The following NUP155 variants were observed in gnomAD, a reference collection of about 807,000 sequenced individuals.
NUP155 encodes nucleoporin 155.
Under a neutral mutation model 180.4 loss-of-function variants are expected in NUP155, and 71 were observed. The ratio of observed to expected loss-of-function variants is 0.39; its 90% CI spans 0.33 to 0.48. NUP155 has a LOEUF of 0.48. Ranked by LOEUF, NUP155 falls within the 20% of genes least tolerant of loss-of-function variation. The pLI is 0.91. For synonymous variants in NUP155, 582 were observed against 559.5 expected (o/e 1.04, Z -0.57); for missense variants, 1,553 against 1,648.9 (o/e 0.94, Z 1.01).
chr5:37,324,936 G>T (rs529447657), intron 19 of NUP155, among the ~76,000 whole-genome samples: 8 of 151,962 alleles, frequency 5.3e-5, no homozygotes, highest in African/African-American at 1.9e-4. Context: ...GATCATTTGA[G>T]GTCAGGAGTT....
chr5:37,367,077 A>C (rs1747639039), intron 1 of NUP155, among the ~76,000 whole-genome samples: 1 of 147,196 alleles, frequency 6.8e-6, no homozygotes, highest in African/African-American at 2.5e-5. Context: ...ACGGGGTTTC[A>C]CTCTGTCGCC....
At chr5:37,293,893 G>T (rs1298635714) in intron 33 of NUP155, among the ~76,000 whole-genome samples, 1 of 110,454 alleles carries the variant, frequency 9.1e-6, no homozygotes, top group East Asian at 2.1e-4. Context: ...CAGCTACTGG[G>T]GAGGCTGAGG....
chr5:37,341,297 A>C (rs1745703669), intron 10 of NUP155, 55 bp from the exon 11 acceptor site: 1 of 1,479,018 alleles, frequency 6.8e-7, no homozygotes, highest in Non-Finnish European at 9.5e-7. Context: ...CCTGAGGTAA[A>C]TGTGTTATTG....
intron 4 of NUP155, among the ~76,000 whole-genome samples, chr5:37,355,006 C>A (rs1227282947): frequency 6.6e-6 from 1 of 151,588 alleles, no homozygotes; most frequent in African/African-American, 2.4e-5. Flanking sequence ...GCAGAAGAAT[C>A]GCTTGAACCC....
intron 3 of NUP155, among the ~76,000 whole-genome samples, chr5:37,359,587 T>A (rs907466666): frequency 3.3e-5 from 5 of 152,286 alleles, no homozygotes; most frequent in Middle Eastern, 6.8e-3. Context: ...AGATCTGCTA[T>A]ACCTTAGCCA....
At chr5:37,365,337 G>A (rs890794287) in intron 1 of NUP155, among the ~76,000 whole-genome samples, 6 of 152,010 alleles carry the variant, frequency 3.9e-5, no homozygotes, top group Non-Finnish European at 8.8e-5. Flanking sequence ...AAATGCTTGA[G>A]AGGATAGATA....
intron 10 of NUP155, among the ~76,000 whole-genome samples, chr5:37,342,093 T>C (rs1745764205): frequency 6.6e-6 from 1 of 152,150 alleles, no homozygotes; most frequent in Admixed American, 6.6e-5. Context: ...GGGTGAAGTG[T>C]AGTAGCATAA....
intron 19 of NUP155, among the ~76,000 whole-genome samples, chr5:37,325,525 T>C (rs1358699401): frequency 6.6e-6 from 1 of 152,082 alleles, no homozygotes; most frequent in African/African-American, 2.4e-5. Context: ...TCTTAGCACT[T>C]TGGGAAGCCA....
chr5:37,342,994 C>T (rs1210299385), intron 9 of NUP155, among the ~76,000 whole-genome samples: 1 of 152,354 alleles, frequency 6.6e-6, no homozygotes, highest in East Asian at 1.9e-4. Flanking sequence ...CCGCCCGCCT[C>T]GGCCTTCCAA....
chr5:37,303,353 ACT>A lies in NUP155; in HGVS notation c.3222_3223del (p.Arg1074SerfsTer19). 6.2e-7 allele frequency: 1 copy of A among 1,614,030 alleles called. No individual in the cohort carries two copies. Among genetic ancestry groups the A allele is most frequent in the African/African-American group, 1.3e-5 (1 of 75,000 alleles). On this transcript the variant is annotated frameshift_variant, in exon 28 of 35. Coordinates refer to ENST00000231498, the MANE Select transcript of NUP155 (RefSeq NM_153485.3). LOFTEE classifies it high-confidence loss of function. ...CCGCCAGAGTAAATCCATATAACGA[ACT>A]CTGTTTTGATCAACTTTGGCCATTC...
intron 1 of NUP155, among the ~76,000 whole-genome samples, chr5:37,366,024 C>T (rs1307178757): frequency 6.6e-6 from 1 of 151,738 alleles, no homozygotes; most frequent in Non-Finnish European, 1.5e-5. Flanking sequence ...GATTTATCCC[C>T]AAGACCACTA....
At position 37,305,799 on chromosome 5, in the gene NUP155, G is replaced by C. The variant is rs1743121129; in HGVS notation, c.2904-589C>G. 1.3e-5 allele frequency among the ~76,000 whole-genome samples: 2 copies of C among 152,072 alleles called. 1 individual carries two copies. The highest frequency in any genetic ancestry group is 4.1e-4 in the South Asian group (2 of 4,824). On this transcript the variant is annotated intron_variant, in intron 25 of 34. Transcript: ENST00000231498. The stretch of plus-strand genomic sequence containing the variant: ...AGGCAGGAGGATCGCTTGAGCCTAG[G>C]AATTCAAGGCTGCAAGTGAGCTATT...
At chr5:37,340,848 T>A (rs1367282627) in intron 11 of NUP155, among the ~76,000 whole-genome samples, 1 of 152,186 alleles carries the variant, frequency 6.6e-6, no homozygotes, top group Non-Finnish European at 1.5e-5. Context: ...TATGTGCAAA[T>A]CTGTTACTTG....
intron 9 of NUP155, among the ~76,000 whole-genome samples, chr5:37,345,982 A>C (rs1248560397): frequency 6.6e-6 from 1 of 152,030 alleles, no homozygotes; most frequent in African/African-American, 2.4e-5. Flanking sequence ...TTTGAAAAAA[A>C]TTCCAGAAAA....
At chr5:37,357,425 A>G (rs1287623235) in intron 4 of NUP155, among the ~76,000 whole-genome samples, 9 of 150,658 alleles carry the variant, frequency 6.0e-5, no homozygotes, top group African/African-American at 1.9e-4. Flanking sequence ...AAAAAAAAAA[A>G]AGAGAAAGAC....
rs182187513 is a variant in NUP155, at chr5:37,288,790, G to T, written c.*3110C>A. ...AAAAGTAGGGGGGGTGGGGCTAGGC[G>T]CAGTGGCTCATGCCTGTAATCCCAG... On this transcript the variant is annotated 3_prime_UTR_variant, in exon 35 of 35. Transcript: ENST00000231498. 6.9e-6 allele frequency: 1 copy of T among 144,718 alleles called. No homozygotes were observed. Among genetic ancestry groups the T allele is most frequent in the Non-Finnish European group, 1.5e-5 (1 of 65,792 alleles). 9.0% of individuals were successfully genotyped at this position (144,718 alleles called of 1,614,324 possible).
chr5:37,296,524 C>T (rs1460289142), intron 32 of NUP155, among the ~76,000 whole-genome samples: 1 of 151,682 alleles, frequency 6.6e-6, no homozygotes, highest in East Asian at 1.9e-4. Context: ...TCCCTAATCT[C>T]AAGTACCCAG....
intron 4 of NUP155, among the ~76,000 whole-genome samples, chr5:37,353,420 T>TA (rs1746600018): frequency 1.3e-5 from 2 of 151,784 alleles, no homozygotes; most frequent in Non-Finnish European, 2.9e-5. Context: ...CCATCTCTAC[T>TA]AAAAACAAAA....
chr5:37,366,704 T>G (rs1342060889), intron 1 of NUP155, among the ~76,000 whole-genome samples: 1 of 147,720 alleles, frequency 6.8e-6, no homozygotes, highest in East Asian at 2.0e-4. Context: ...CAGGCTGGAG[T>G]GCAGTGGCCT....
Sources: gnomAD v4.1 joint callset for allele counts (sites outside exome capture counted in the v4.1 genomes callset) on GRCh38, gnomAD v4.1.1 for gene constraint, MANE v1.5 for transcripts, NCBI Gene and HGNC (gene_info 2026-07-23, HGNC 2026-07-21) for gene names.